ACACA: variants seen among roughly 807,000 people sequenced by gnomAD.
ACACA encodes acetyl-CoA carboxylase alpha.
In ACACA, 103 loss-of-function variants were observed where a neutral mutation model predicts 296.1. That is an observed-to-expected ratio of 0.35 (90% CI 0.30 to 0.41). The LOEUF (loss-of-function observed/expected upper bound fraction) is 0.41, where lower values mean the gene tolerates loss of function less well. Ranked by LOEUF, ACACA falls within the 10% of genes least tolerant of loss-of-function variation. ACACA has a pLI of 1.00. For missense variants in ACACA, 1,554 were observed against 2,989.7 expected, an observed-to-expected ratio of 0.52 and a Z score of 11.20; for synonymous variants, 953 against 1,038.6, an observed-to-expected ratio of 0.92 and a Z score of 1.58.
At chr17:37,304,610 G>A (rs2083781576) in intron 3 of ACACA, among the ~76,000 whole-genome samples, 3 of 151,808 alleles carry the variant, frequency 2.0e-5, no homozygotes, top group East Asian at 1.9e-4. Flanking sequence ...CCTGACCAAC[G>A]TGGAGAAACC....
At chr17:37,170,560 C>G (rs919438294) in intron 41 of ACACA, among the ~76,000 whole-genome samples, 1 of 152,086 alleles carries the variant, frequency 6.6e-6, no homozygotes, top group African/African-American at 2.4e-5. Flanking sequence ...GGATTCTGCC[C>G]TGAGATGTCA....
At chr17:37,100,978 T>C (rs1243541209) in intron 52 of ACACA, among the ~76,000 whole-genome samples, 1 of 151,434 alleles carries the variant, frequency 6.6e-6, no homozygotes, top group Non-Finnish European at 1.5e-5. Context: ...ATGCTTGCCA[T>C]CCCAGCTACT....
chr17:37,116,929 C>T (rs561069215), intron 50 of ACACA, among the ~76,000 whole-genome samples: 63 of 152,222 alleles, frequency 4.1e-4, no homozygotes, highest in Non-Finnish European at 5.9e-4. Flanking sequence ...CCCTGAGAAA[C>T]GCAACTGGGA....
At chr17:37,233,096 G>A (rs1164443409) in intron 25 of ACACA, among the ~76,000 whole-genome samples, 1 of 152,200 alleles carries the variant, frequency 6.6e-6, no homozygotes, top group Non-Finnish European at 1.5e-5. Context: ...GTCCTGACTG[G>A]CAAAAGCAGA....
chr17:37,273,306 T>C (rs1042173402), intron 9 of ACACA, among the ~76,000 whole-genome samples: 1 of 152,178 alleles, frequency 6.6e-6, no homozygotes, highest in Non-Finnish European at 1.5e-5. Context: ...CACTTTAAAC[T>C]ATTTATAAAA....
At chr17:37,265,266 T>C (rs2081706479) in intron 10 of ACACA, among the ~76,000 whole-genome samples, 1 of 152,156 alleles carries the variant, frequency 6.6e-6, no homozygotes, top group Non-Finnish European at 1.5e-5. Context: ...AGGGTGTACA[T>C]ACAGGAATGG....
intron 3 of ACACA, among the ~76,000 whole-genome samples, chr17:37,308,153 C>T (rs2083968219): frequency 1.3e-5 from 2 of 152,058 alleles, no homozygotes; most frequent in Non-Finnish European, 1.5e-5. Flanking sequence ...CAATGGATTA[C>T]ACTAAAAATC....
chr17:37,111,394 C>T lies in ACACA; in HGVS notation c.6565+137G>A, dbSNP rs1336389189. 5.3e-6 allele frequency: 4 copies of T among 750,760 alleles called. No homozygotes were observed. The East Asian group carries it at 7.9e-5, about 15-fold the overall frequency. 46.5% of individuals were successfully genotyped at this position (750,760 alleles called of 1,614,324 possible). A position where few individuals can be genotyped will look rare whatever the true frequency, so the allele number is the denominator to read the frequency against. ...CTATTTCATTCTACCAGGGTTCTTA[C>T]CATATAGAGGACAGTAAATAAAGAT... is the stretch of plus-strand genomic sequence containing the variant. On this transcript the variant is annotated intron_variant, in intron 52 of 55. Transcript: ENST00000616317.
rs773816005 is a variant in ACACA at position 37,246,859 on chromosome 17, A to G, written c.2427T>C (p.His809=). ...CAGCATAGCACTGGCCGGCAAACAC[A>G]TGACCTCCATCTTCTACAATGTACT... ...LIQYIVEDGG[H]VFAGQCYAEI... is the part of the protein sequence containing the mutation. Residue 809 remains histidine, a synonymous_variant, in exon 19 of 56, where the codon CAT becomes CAC. Coordinates refer to ENST00000616317, the MANE Select transcript of ACACA (RefSeq NM_198834.3). The G allele has an allele frequency of 3.1e-6, 5 of 1,613,998 alleles. No individual in the cohort carries two copies. The highest frequency in any genetic ancestry group is 4.2e-6 in the Non-Finnish European group (5 of 1,180,012).
chr17:37,389,168 T>G, intron 1 of ACACA: 1 of 1,487,000 alleles, frequency 6.7e-7, no homozygotes. Context: ...TCCTTTAAGT[T>G]GCCCAACAAG....
Position 37,274,359 on chromosome 17 carries a change from T to G in ACACA, c.902-60A>C, listed in dbSNP as rs981907754. On this transcript the variant is annotated intron_variant, in intron 8 of 55. Coordinates refer to ENST00000616317, the MANE Select transcript of ACACA (RefSeq NM_198834.3). ...AGATCTTCTGCTCTTGTCAATTTTCTGCTCTGCATTCTTTGAAATGCTATC... is the reference window on the plus strand; with the variant it reads ...AGATCTTCTGCTCTTGTCAATTTTCGGCTCTGCATTCTTTGAAATGCTATC... 11 of 1,443,056 alleles carry G rather than the reference T, an allele frequency of 7.6e-6. No individual in the cohort carries two copies. In the African/African-American group the frequency reaches 1.5e-4, roughly 20 times the overall value. 89.4% of individuals were successfully genotyped at this position (1,443,056 alleles called of 1,614,324 possible). A position where few individuals can be genotyped will look rare whatever the true frequency, so the allele number is the denominator to read the frequency against.
At position 37,274,445 on chromosome 17, in the gene ACACA, T is replaced by A; in HGVS notation, c.902-146A>T. The A allele has an allele frequency of 7.0e-6, 7 of 998,966 alleles. No individual in the cohort carries two copies. The South Asian group carries it at 1.0e-4, about 15-fold the overall frequency. 61.9% of individuals were successfully genotyped at this position (998,966 alleles called of 1,614,324 possible). A position where few individuals can be genotyped will look rare whatever the true frequency, so the allele number is the denominator to read the frequency against. The stretch of plus-strand genomic sequence containing the variant: ...AAGGATGCCATAAAACCCTGATCAG[T>A]CCTTGGGGTTAACAGGATTTAGCCA... On this transcript the variant is annotated intron_variant, in intron 8 of 55. Coordinates refer to ENST00000616317, the MANE Select transcript of ACACA (RefSeq NM_198834.3).
At chr17:37,282,501 G>A (rs2082585554) in intron 5 of ACACA, among the ~76,000 whole-genome samples, 1 of 152,080 alleles carries the variant, frequency 6.6e-6, no homozygotes. Context: ...TTCTAAATAA[G>A]ATGATATAAT....
intron 1 of ACACA, among the ~76,000 whole-genome samples, chr17:37,361,922 A>G (rs1010309219): frequency 6.6e-6 from 1 of 152,218 alleles, no homozygotes; most frequent in African/African-American, 2.4e-5. Flanking sequence ...TTGTATCCCA[A>G]AATTCATTTG....
chr17:37,136,927 A>G (rs2075358970), intron 45 of ACACA, among the ~76,000 whole-genome samples: 1 of 151,568 alleles, frequency 6.6e-6, no homozygotes. Context: ...TGAGCGACAG[A>G]GCGAGACTCC....
chr17:37,271,550 G>A (rs2082072182), intron 9 of ACACA, among the ~76,000 whole-genome samples: 2 of 151,818 alleles, frequency 1.3e-5, no homozygotes, highest in East Asian at 1.9e-4. Flanking sequence ...AGAAAGATGC[G>A]TGGATATAAA....
At chr17:37,122,724 T>C (rs2074587858) in intron 48 of ACACA, 97 bp from the exon 49 acceptor site, 2 of 1,001,416 alleles carry the variant, frequency 2.0e-6, no homozygotes, top group Non-Finnish European at 3.2e-6. Flanking sequence ...GGGAAAAAAC[T>C]AGAAACAAAC....
chr17:37,356,178 T>A (rs2049132867), intron 1 of ACACA, among the ~76,000 whole-genome samples: 1 of 151,982 alleles, frequency 6.6e-6, no homozygotes, highest in Admixed American at 6.6e-5. Context: ...CAAAAAATAA[T>A]AAAATAAAAT....
At chr17:37,211,863 C>A (rs904068932) in intron 29 of ACACA, among the ~76,000 whole-genome samples, 4 of 152,096 alleles carry the variant, frequency 2.6e-5, no homozygotes, top group African/African-American at 9.7e-5. Flanking sequence ...GAAACCTGAA[C>A]CTTTGCTGTT....
Sources: gnomAD v4.1 joint callset for allele counts (sites outside exome capture counted in the v4.1 genomes callset) on GRCh38, gnomAD v4.1.1 for gene constraint, MANE v1.5 for transcripts, NCBI Gene and HGNC (gene_info 2026-07-23, HGNC 2026-07-21) for gene names.